The following DNAH3 variants were observed in gnomAD, a reference collection of about 807,000 sequenced individuals.
The protein encoded by DNAH3 is axonemal beta dynein heavy chain 3.
DNAH3 carries 332 observed loss-of-function variants against 432.5 expected under a neutral mutation model. The ratio of observed to expected loss-of-function variants is 0.77; its 90% CI spans 0.70 to 0.84. The LOEUF is 0.84. DNAH3 is among the 40% of genes least tolerant of loss of function. DNAH3 has a pLI of 0.00. For synonymous variants in DNAH3, 1,956 were observed against 1,900.2 expected (o/e 1.03, Z -0.76); for missense variants, 4,861 against 5,114.0 (o/e 0.95, Z 1.51).
At chr16:21,042,263 C>T (rs1381213708) in intron 31 of DNAH3, 60 bp from the exon 32 acceptor site, 1 of 1,495,568 alleles carries the variant, frequency 6.7e-7, no homozygotes, top group Non-Finnish European at 8.9e-7. Flanking sequence ...CCACCCTACT[C>T]TACCGGAGTC....
At chr16:21,152,957 G>A (rs1049543478) in intron 1 of DNAH3, among the ~76,000 whole-genome samples, 2 of 152,220 alleles carry the variant, frequency 1.3e-5, no homozygotes, top group Non-Finnish European at 2.9e-5. Context: ...CAGTCCCACC[G>A]ACCACCCAAG....
chr16:20,949,929 G>T (rs975237924), intron 56 of DNAH3, among the ~76,000 whole-genome samples: 1 of 152,170 alleles, frequency 6.6e-6, no homozygotes, highest in Non-Finnish European at 1.5e-5. Flanking sequence ...GGGCAATCAT[G>T]CACTCATGCT....
Position 21,019,872 on chromosome 16 carries a change from A to T in DNAH3, c.5777-3T>A. ...CTCTTCTACTGCCCTGATTTCATCT[A>T]AAAGTGAGAAAAGCGAATCTCAGGA... On this transcript the variant is annotated splice_polypyrimidine_tract_variant and splice_region_variant and intron_variant, in intron 40 of 61. Coordinates refer to ENST00000261383, the Ensembl canonical transcript of DNAH3. 6.2e-7 allele frequency: 1 copy of T among 1,613,706 alleles called. No individual in the cohort carries two copies. The highest frequency in any genetic ancestry group is 8.5e-7 in the Non-Finnish European group (1 of 1,179,710).
In DNAH3 at chr16:20,961,574, T is replaced by C. The variant is rs556325974; in HGVS notation, c.10600+1710A>G. Among the ~76,000 whole-genome samples the C allele has an allele frequency of 3.3e-5, 5 of 151,730 alleles. No homozygotes were observed. In the South Asian group the frequency reaches 1.0e-3, roughly 32 times the overall value. On this transcript the variant is annotated intron_variant, in intron 53 of 61. Coordinates refer to ENST00000261383, the Ensembl canonical transcript of DNAH3. ...ATGCGTTCATTAGAGTGGGCCTTAA[T>C]CCAATATGACTGATATCCTTATGAG... is the stretch of plus-strand genomic sequence containing the variant.
chr16:20,999,243 A>C (rs1416908209), intron 43 of DNAH3, among the ~76,000 whole-genome samples: 1 of 152,190 alleles, frequency 6.6e-6, no homozygotes, highest in Admixed American at 6.5e-5. Flanking sequence ...TAACAGAGTG[A>C]GACATTCTCT....
intron 18 of DNAH3, among the ~76,000 whole-genome samples, chr16:21,093,085 C>A (rs2091584943): frequency 6.6e-6 from 1 of 152,108 alleles, no homozygotes; most frequent in South Asian, 2.1e-4. Flanking sequence ...ACAACAGATA[C>A]CACTACACAC....
intron 54 of DNAH3, among the ~76,000 whole-genome samples, chr16:20,958,342 G>A (rs2084667532): frequency 6.6e-6 from 1 of 152,110 alleles, no homozygotes; most frequent in East Asian, 1.9e-4. Flanking sequence ...TCAAAATGCT[G>A]AGATTACAGG....
chr16:20,951,607 C>A (rs1372871413), intron 56 of DNAH3, among the ~76,000 whole-genome samples: 1 of 151,836 alleles, frequency 6.6e-6, no homozygotes, highest in Admixed American at 6.6e-5. Flanking sequence ...CCACGCCTGG[C>A]TAATTTTTGT....
At chr16:20,986,826 T>A (rs1312755187) in intron 47 of DNAH3, among the ~76,000 whole-genome samples, 1 of 152,200 alleles carries the variant, frequency 6.6e-6, no homozygotes, top group Non-Finnish European at 1.5e-5. Context: ...AATCACAGCT[T>A]CTTAGCAGTG....
intron 42 of DNAH3, among the ~76,000 whole-genome samples, chr16:21,001,475 G>A (rs1465385754): frequency 6.6e-6 from 1 of 152,164 alleles, no homozygotes; most frequent in Non-Finnish European, 1.5e-5. Context: ...AAACTGGACC[G>A]TGATGCAAAT....
intron 28 of DNAH3, among the ~76,000 whole-genome samples, chr16:21,054,204 C>T (rs2090053851): frequency 6.6e-6 from 1 of 152,138 alleles, no homozygotes; most frequent in Non-Finnish European, 1.5e-5. Flanking sequence ...ACAAGCCCTG[C>T]TTGGAGGGTC....
chr16:21,031,278 T>G (rs1316434286), exon 37 of DNAH3: 3 of 1,614,150 alleles, frequency 1.9e-6, no homozygotes, highest in Non-Finnish European at 2.5e-6. Context: ...AACTCCTCCA[T>G]CTGATTGGCT....
chr16:20,964,277 CT>C lies in DNAH3; in HGVS notation c.9606del (p.Asp3203IlefsTer22). ...GCAGCCACGATGCCAAGGAGTTGAT[CT>C]TGGAGACCCAAGGGGGTGATCATGA... On this transcript the variant is annotated frameshift_variant, in exon 53 of 62. Transcript: ENST00000261383. LOFTEE classifies it high-confidence loss of function. 2 of 1,614,180 alleles carry C rather than the reference CT, an allele frequency of 1.2e-6. No individual in the cohort carries two copies. The highest frequency in any genetic ancestry group is 1.7e-6 in the Non-Finnish European group (2 of 1,180,026).
At chr16:20,979,602 G>T in intron 49 of DNAH3, 56 bp from the exon 50 acceptor site, 1 of 1,501,156 alleles carries the variant, frequency 6.7e-7, no homozygotes, top group Non-Finnish European at 9.3e-7. Context: ...GGGAGATCCA[G>T]TACAGCTTTA....
At chr16:21,141,545 C>T (rs72780892) in intron 3 of DNAH3, among the ~76,000 whole-genome samples, 173 bp from the exon 5 acceptor site, 24,903 of 152,206 alleles carry the variant, frequency 0.16, 2,524 homozygotes, top group South Asian at 0.25. Context: ...CACTGATTAC[C>T]TGTGTGACCC....
chr16:21,026,573 T>A (rs1247252723), intron 38 of DNAH3, among the ~76,000 whole-genome samples: 1 of 151,624 alleles, frequency 6.6e-6, no homozygotes, highest in African/African-American at 2.4e-5. Context: ...TGGTGGCGTG[T>A]GCTTGTAGTC....
intron 24 of DNAH3, chr16:21,062,910 A>C: frequency 4.1e-6 from 2 of 485,070 alleles, no homozygotes; most frequent in Non-Finnish European, 7.3e-6. Context: ...CTAGACTTGA[A>C]CTCCTGGGCT....
rs200916697 is a variant in DNAH3 at position 20,985,480 on chromosome 16, C to T, written c.7262G>A (p.Arg2421His). 41 of 1,614,196 alleles carry T rather than the reference C, an allele frequency of 2.5e-5. No homozygotes were observed. In the East Asian group the frequency reaches 2.9e-4, roughly 11 times the overall value. ...GTGGCCTTTGTCCTGCTTCAGGACACGGCAGATCCTAGAGATGTGCTCAAT... is the reference window on the plus strand; with the variant it reads ...GTGGCCTTTGTCCTGCTTCAGGACATGGCAGATCCTAGAGATGTGCTCAAT... The change falls in exon 48 of 62, where the codon CGT becomes CAT. Residue 2421 changes from arginine to histidine, a missense_variant. Arg to His is a conservative substitution (Grantham distance 29, BLOSUM62 0). Transcript: ENST00000261383.
At chr16:21,102,315 C>A (rs1597379596) in intron 16 of DNAH3, among the ~76,000 whole-genome samples, 1 of 152,200 alleles carries the variant, frequency 6.6e-6, no homozygotes, top group South Asian at 2.1e-4. Flanking sequence ...CACAGAGCCA[C>A]CCCTCACTCC....
Sources: gnomAD v4.1 joint callset for allele counts (sites outside exome capture counted in the v4.1 genomes callset) on GRCh38, gnomAD v4.1.1 for gene constraint, MANE v1.5 for transcripts, NCBI Gene and HGNC (gene_info 2026-07-23, HGNC 2026-07-21) for gene names.